The following DNAH12 variants were observed in gnomAD, a reference collection of about 807,000 sequenced individuals.
The protein encoded by DNAH12 is axonemal beta dynein heavy chain 12.
Under a neutral mutation model 371.5 loss-of-function variants are expected in DNAH12, and 285 were observed. The observed-to-expected ratio is 0.77, with a 90% CI of 0.70 to 0.85. The LOEUF (loss-of-function observed/expected upper bound fraction) is 0.85. DNAH12 is among the 40% of genes least tolerant of loss of function. DNAH12 has a pLI of 0.00. For synonymous variants in DNAH12, 1,200 were observed against 1,213.0 expected, an observed-to-expected ratio of 0.99 and a Z score of 0.22; for missense variants, 3,611 against 3,689.4, an observed-to-expected ratio of 0.98 and a Z score of 0.55.
rs1041478155 is a variant in DNAH12, at chr3:57,428,750, A to C, written c.5136T>G (p.Ser1712=). ...GTCCTTTCAGTGAATTCAACCAAGA[A>C]GACACAAGTGGTTCCCATCCTAACT... ...PSQLGWEPLV[S]SWLNSLKGPL... is the part of the protein sequence containing the mutation. Residue 1712 remains serine, a synonymous_variant, in exon 34 of 74, where the codon TCT becomes TCG. Coordinates refer to ENST00000495027, the MANE Select transcript of DNAH12 (RefSeq NM_001366028.2). The C allele has an allele frequency of 9.0e-6, 14 of 1,551,482 alleles. No individual in the cohort carries two copies. Among genetic ancestry groups the C allele is most frequent in the African/African-American group, 2.7e-5 (2 of 73,056 alleles).
the DNAH12 span, among the ~76,000 whole-genome samples, chr3:57,551,781 A>G: frequency 6.6e-6 from 1 of 151,974 alleles, no homozygotes; most frequent in Non-Finnish European, 1.5e-5. Flanking sequence ...TTAGCTTTCT[A>G]TATCATATGA....
At chr3:57,519,800 CTTGT>C (rs2068341917) in intron 4 of DNAH12, 1 of 1,480,334 alleles carries the variant, frequency 6.8e-7, no homozygotes, top group Non-Finnish European at 9.4e-7. Context: ...ACACAGTCCT[CTTGT>C]TTGTTTTCAG....
chr3:57,457,014 G>T (rs1055377853), intron 22 of DNAH12, among the ~76,000 whole-genome samples: 3 of 151,834 alleles, frequency 2.0e-5, no homozygotes, highest in African/African-American at 7.3e-5. Context: ...TTTATTTTTG[G>T]TTTTTATTTT....
At chr3:57,300,149 A>T (rs779177229) in intron 70 of DNAH12, among the ~76,000 whole-genome samples, 32 of 152,270 alleles carry the variant, frequency 2.1e-4, no homozygotes, top group Non-Finnish European at 4.3e-4. Flanking sequence ...TGCCCACTGC[A>T]CTGTTTCAAT....
chr3:57,483,367 A>T lies in DNAH12; in HGVS notation c.1650+9T>A. 1 of 1,539,672 alleles carries T rather than the reference A, an allele frequency of 6.5e-7. No individual in the cohort carries two copies. The highest frequency in any genetic ancestry group is 8.7e-7 in the Non-Finnish European group (1 of 1,144,350). Reference sequence around the variant, plus strand: ...AACAAACCAAAATATGCAAATTAAAATTCCTTACCTGGATCCTTAAAATCA... The same window carrying T: ...AACAAACCAAAATATGCAAATTAAATTTCCTTACCTGGATCCTTAAAATCA... On this transcript the variant is annotated intron_variant, in intron 13 of 73. Coordinates refer to ENST00000495027, the MANE Select transcript of DNAH12 (RefSeq NM_001366028.2).
At chr3:57,528,957 T>C (rs1055946847) in intron 2 of DNAH12, among the ~76,000 whole-genome samples, 1 of 151,508 alleles carries the variant, frequency 6.6e-6, no homozygotes, top group African/African-American at 2.4e-5. Context: ...CCCACCACCA[T>C]ACCAGCTAAT....
chr3:57,317,554 CT>C (rs1458077091), intron 65 of DNAH12, among the ~76,000 whole-genome samples: 1 of 152,058 alleles, frequency 6.6e-6, no homozygotes, highest in Non-Finnish European at 1.5e-5. Context: ...GTATTTTCTT[CT>C]TTTTAAGGCT....
At chr3:57,448,539 C>CAA (rs34353401) in intron 25 of DNAH12, among the ~76,000 whole-genome samples, 68,281 of 151,932 alleles carry the variant, frequency 0.45, 17,111 homozygotes, top group South Asian at 0.6. Context: ...TCAGTGGACC[C>CAA]AGAGTGAGCA....
chr3:57,332,070 G>A (rs1460068110), intron 62 of DNAH12, among the ~76,000 whole-genome samples: 2 of 152,044 alleles, frequency 1.3e-5, no homozygotes, highest in African/African-American at 4.8e-5. Flanking sequence ...TTCGAACTAA[G>A]CCTGAGCTCT....
In DNAH12 at chr3:57,479,056, A is replaced by T. The variant is rs186110867; in HGVS notation, c.1650+4320T>A. On this transcript the variant is annotated intron_variant, in intron 13 of 73. Transcript: ENST00000495027. Reference sequence around the variant, plus strand: ...ACCAGCTAACATCTTAATGACAGGAACAAATTCACACATAACAATATTAAC... The same window carrying T: ...ACCAGCTAACATCTTAATGACAGGATCAAATTCACACATAACAATATTAAC... 1.6e-3 allele frequency among the ~76,000 whole-genome samples: 245 copies of T among 152,320 alleles called. 1 individual carries two copies. The highest frequency in any genetic ancestry group is 3.4e-3 in the Middle Eastern group (1 of 294).
At position 57,516,104 on chromosome 3, in the gene DNAH12, C is replaced by A. The variant is rs150315692; in HGVS notation, c.280-5125G>T. On this transcript the variant is annotated intron_variant, in intron 4 of 73. Coordinates refer to ENST00000495027, the MANE Select transcript of DNAH12 (RefSeq NM_001366028.2). ...CTTCAGATGGAGTCTCCCTCCGTCG[C>A]CCAGGCTGGAGTGCAATGGCATGAT... Among the ~76,000 whole-genome samples the A allele has an allele frequency of 3.2e-3, 441 of 138,438 alleles. 2 individuals are homozygous for A. The highest frequency in any genetic ancestry group is 0.011 in the African/African-American group (416 of 36,626). The allele number at this position is 138,438 out of a possible 152,430, so 90.8% of individuals were successfully genotyped here.
At chr3:57,437,715 C>A (rs548486437) in intron 29 of DNAH12, among the ~76,000 whole-genome samples, 2 of 152,198 alleles carry the variant, frequency 1.3e-5, no homozygotes, top group Non-Finnish European at 2.9e-5. Flanking sequence ...CTGGTTCTCC[C>A]GAACATCCAT....
chr3:57,395,211 C>T (rs2063712395), intron 43 of DNAH12, among the ~76,000 whole-genome samples: 1 of 103,650 alleles, frequency 9.6e-6, no homozygotes, highest in African/African-American at 3.9e-5. Context: ...TTCTCAGTGA[C>T]AGCGTTGGGA....
chr3:57,337,055 G>C (rs1225029797), intron 60 of DNAH12, among the ~76,000 whole-genome samples: 3 of 152,166 alleles, frequency 2.0e-5, no homozygotes, highest in Admixed American at 2.0e-4. Flanking sequence ...AGGATGAAAA[G>C]AGATATTCCA....
At chr3:57,325,603 C>A (rs1407484732) in intron 62 of DNAH12, among the ~76,000 whole-genome samples, 2 of 152,060 alleles carry the variant, frequency 1.3e-5, no homozygotes, top group African/African-American at 2.4e-5. Flanking sequence ...AAAGTAGATA[C>A]AACCACAAAG....
chr3:57,421,487 A>C, intron 36 of DNAH12, 31 bp downstream of exon 36: 3 of 1,549,030 alleles, frequency 1.9e-6, no homozygotes, highest in African/African-American at 1.4e-5. Flanking sequence ...TTTGTGTTTT[A>C]TCTTACCATA....
chr3:57,405,230 G>T, intron 41 of DNAH12, 83 bp from the exon 42 acceptor site: 1 of 1,232,810 alleles, frequency 8.1e-7, no homozygotes, highest in Non-Finnish European at 1.1e-6. Flanking sequence ...TTTCATCCAT[G>T]TTATAAAGTA....
intron 34 of DNAH12, among the ~76,000 whole-genome samples, chr3:57,425,644 T>A (rs563624280): frequency 1.6e-4 from 25 of 152,352 alleles, no homozygotes; most frequent in Non-Finnish European, 3.7e-4. Flanking sequence ...TATTTTAGTT[T>A]CCCATATTAT....
chr3:57,530,265 T>C, intron 2 of DNAH12: 1 of 264,258 alleles, frequency 3.8e-6, no homozygotes, highest in Non-Finnish European at 7.1e-6. Flanking sequence ...TATCTTATTA[T>C]ACTTTCTATG....
Sources: gnomAD v4.1 joint callset for allele counts (sites outside exome capture counted in the v4.1 genomes callset) on GRCh38, gnomAD v4.1.1 for gene constraint, MANE v1.5 for transcripts, NCBI Gene and HGNC (gene_info 2026-07-23, HGNC 2026-07-21) for gene names.